The following CHD5 variants were observed in gnomAD, a reference collection of about 807,000 sequenced individuals.
CHD5 encodes chromodomain helicase DNA binding protein 5, also known as ATP-dependent chromatin remodeler CHD5.
Under a neutral mutation model 230.3 loss-of-function variants are expected in CHD5, and 69 were observed. The ratio of observed to expected loss-of-function variants is 0.30; its 90% CI spans 0.25 to 0.37. The LOEUF is 0.37. Among genes scored for constraint, CHD5 ranks in the 10% least tolerant of loss-of-function variants. The pLI is 1.00. For synonymous variants in CHD5, 1,064 were observed against 1,065.9 expected, an observed-to-expected ratio of 1.00 and a Z score of 0.03; for missense variants, 1,827 against 2,622.8, an observed-to-expected ratio of 0.70 and a Z score of 6.63.
chr1:6,146,934 A>G lies in CHD5; in HGVS notation c.1384-63T>C. ...TGCAGGGCCCCACCCTGAGGCTCCCATGACAGCAGGCTGCCATGCAGGCTC... is the reference window on the plus strand; with the variant it reads ...TGCAGGGCCCCACCCTGAGGCTCCCGTGACAGCAGGCTGCCATGCAGGCTC... On this transcript the variant is annotated intron_variant, in intron 9 of 41. Transcript: ENST00000262450. The surrounding 1 kb of genome is among the most constrained non-coding windows in gnomAD (Gnocchi z 5.1). The G allele has an allele frequency of 7.7e-7, 1 of 1,293,604 alleles. No homozygotes were observed. The highest frequency in any genetic ancestry group is 2.9e-5 in the Admixed American group (1 of 34,660). The allele number at this position is 1,293,604 out of a possible 1,614,324, so 80.1% of individuals were successfully genotyped here.
intron 6 of CHD5, among the ~76,000 whole-genome samples, 182 bp from the exon 7 acceptor site, chr1:6,151,337 G>C (rs1667005008): frequency 6.6e-6 from 1 of 152,134 alleles, no homozygotes; most frequent in Non-Finnish European, 1.5e-5. Context: ...CCAGCCTGAT[G>C]TCCCACCGCC....
At chr1:6,132,777 G>A (rs541725465) in intron 20 of CHD5, among the ~76,000 whole-genome samples, 4 of 152,096 alleles carry the variant, frequency 2.6e-5, no homozygotes, top group East Asian at 1.9e-4. Context: ...AGTTCTTCCT[G>A]CTTTTGCTTA....
At chr1:6,138,493 C>G (rs746688433) in intron 15 of CHD5, among the ~76,000 whole-genome samples, 21 of 152,228 alleles carry the variant, frequency 1.4e-4, no homozygotes, top group Non-Finnish European at 2.6e-4. Context: ...CCGGTCTCCC[C>G]CAGTGATGTA....
rs544798481 is a variant in CHD5 at position 6,152,445 on chromosome 1, C to T, written c.837G>A (p.Gly279=). The T allele has an allele frequency of 3.7e-6, 6 of 1,614,142 alleles. No individual in the cohort carries two copies. In the East Asian group the frequency reaches 1.1e-4, roughly 30 times the overall value. Residue 279 remains glycine, a synonymous_variant, in exon 6 of 42, where the codon GGG becomes GGA. Transcript: ENST00000262450. ...KKTAGLKFRF[G]GISNKRKKGS... is the part of the protein sequence containing the mutation. ...CTTTCTTCCTCTTGTTGCTGATCCC[C>T]CCGAAGCGGAACTTGAGCCCGGCCG...
chr1:6,112,589 C>T (rs1342231078), intron 34 of CHD5, among the ~76,000 whole-genome samples: 4 of 152,226 alleles, frequency 2.6e-5, no homozygotes, highest in Admixed American at 2.6e-4. Context: ...GATCTGAGGA[C>T]AACTGTTCCA....
In CHD5 at chr1:6,146,807, G is replaced by C; in HGVS notation, c.1448C>G (p.Pro483Arg). 1 of 1,582,894 alleles carries C rather than the reference G, an allele frequency of 6.3e-7. No individual in the cohort carries two copies. Among genetic ancestry groups the C allele is most frequent in the Non-Finnish European group, 8.6e-7 (1 of 1,163,218 alleles). ...AGGCCCCGGCAGCCCCACCATGAAGGGGGCAGGGGGCTCCGTCCACCTCCA... is the reference window on the plus strand; with the variant it reads ...AGGCCCCGGCAGCCCCACCATGAAGCGGGCAGGGGGCTCCGTCCACCTCCA... The part of the protein sequence containing the change: ...LHWRWTEPPA[P>R]FMVGLPGPDV... Residue 483 changes from proline (P) to arginine (R), a missense_variant, in exon 10 of 42, where the codon CCC becomes CGC. By Grantham distance (103) the Pro-to-Arg change is moderately radical (BLOSUM62 -2). Coordinates refer to ENST00000262450, the MANE Select transcript of CHD5 (RefSeq NM_015557.3). The surrounding 1 kb of genome is among the most constrained non-coding windows in gnomAD (Gnocchi z 5.1).
At chr1:6,106,310 G>C in intron 40 of CHD5, 23 bp from the exon 41 acceptor site, 2 of 1,612,762 alleles carry the variant, frequency 1.2e-6, no homozygotes, top group Non-Finnish European at 1.7e-6. Flanking sequence ...GAGGAGAGCC[G>C]GGCTTGCCTG....
chr1:6,122,930 T>C lies in CHD5; in HGVS notation c.4699+1018A>G, dbSNP rs774618774. On this transcript the variant is annotated intron_variant, in intron 31 of 41. Transcript: ENST00000262450. ...ACTAAAAATACAAAAATCAGCCAGG[T>C]GTGGTGGCGGGCACCTGTAATCCCA... Among the ~76,000 whole-genome samples the C allele has an allele frequency of 5.5e-4, 83 of 151,730 alleles. 1 individual carries two copies. Among genetic ancestry groups the C allele is most frequent in the Non-Finnish European group, 1.9e-4 (13 of 67,944 alleles).
At chr1:6,138,718 A>G (rs1169301340) in intron 15 of CHD5, among the ~76,000 whole-genome samples, 4 of 152,270 alleles carry the variant, frequency 2.6e-5, no homozygotes, top group Admixed American at 2.6e-4. Flanking sequence ...TCAAAAAATC[A>G]GAAATAGAAT....
In CHD5 at chr1:6,142,276, T is replaced by C. The variant is rs1475400680; in HGVS notation, c.2288A>G (p.Asn763Ser). ...LVSAPLSTII[N>S]WEREFEMWAP... is the part of the protein sequence containing the mutation. ...CCACATCTCAAACTCGCGTTCCCAG[T>C]TGATGATGGTGGAGAGGGGCGCGCT... Residue 763 changes from asparagine (N) to serine (S), a missense_variant, in exon 15 of 42, where the codon AAC becomes AGC. By Grantham distance (46) the Asn-to-Ser change is conservative. Coordinates refer to ENST00000262450, the MANE Select transcript of CHD5 (RefSeq NM_015557.3). This position sits in a 1 kb window ranked among gnomAD's most constrained non-coding sequence, Gnocchi z 5.2. 6.2e-7 allele frequency: 1 copy of C among 1,613,556 alleles called. No homozygotes were observed. Among genetic ancestry groups the C allele is most frequent in the Non-Finnish European group, 8.5e-7 (1 of 1,179,614 alleles).
intron 33 of CHD5, among the ~76,000 whole-genome samples, chr1:6,119,457 T>G (rs1666431290): frequency 6.6e-6 from 1 of 152,172 alleles, no homozygotes; most frequent in South Asian, 2.1e-4. Flanking sequence ...TACACAATAA[T>G]TAGAAGCACA....
At position 6,103,969 on chromosome 1, in the gene CHD5, C is replaced by T. The variant is rs3810988; in HGVS notation, c.*1505G>A. On this transcript the variant is annotated 3_prime_UTR_variant, in exon 42 of 42. Transcript: ENST00000262450. ...GAGCTGAGCCCCAGCCCGTGTGCAC[C>T]TCCACCCCAGGCCCAGCTGGGTTTT... 0.065 allele frequency: 9,910 copies of T among 152,384 alleles called. 514 individuals are homozygous for T. The highest frequency in any genetic ancestry group is 0.24 in the East Asian group (1,239 of 5,156). 9.4% of individuals were successfully genotyped at this position (152,384 alleles called of 1,614,324 possible).
chr1:6,122,652 CA>C (rs1402158615), intron 31 of CHD5, among the ~76,000 whole-genome samples: 1 of 152,216 alleles, frequency 6.6e-6, no homozygotes, highest in Non-Finnish European at 1.5e-5. Context: ...CAAAAGAACT[CA>C]AAACGTATGT....
intron 34 of CHD5, among the ~76,000 whole-genome samples, 176 bp downstream of exon 34, chr1:6,112,733 C>T (rs1666313263): frequency 6.6e-6 from 1 of 152,176 alleles, no homozygotes; most frequent in Non-Finnish European, 1.5e-5. Flanking sequence ...AGGGGAGAGG[C>T]TGTCCCCGGC....
intron 1 of CHD5, among the ~76,000 whole-genome samples, chr1:6,178,609 A>G (rs1405626913): frequency 6.6e-6 from 1 of 152,012 alleles, no homozygotes; most frequent in Non-Finnish European, 1.5e-5. Context: ...ACTATTGTCC[A>G]GGCAACTCCA....
chr1:6,161,786 G>C (rs951420784), intron 2 of CHD5, among the ~76,000 whole-genome samples: 1 of 152,242 alleles, frequency 6.6e-6, no homozygotes, highest in Non-Finnish European at 1.5e-5. Flanking sequence ...CCCCAGCAAA[G>C]GTAAGGACAA....
intron 33 of CHD5, among the ~76,000 whole-genome samples, chr1:6,119,875 T>C (rs1571143397): frequency 6.8e-6 from 1 of 148,148 alleles, no homozygotes; most frequent in Middle Eastern, 3.5e-3. Context: ...TTTTTTTTTT[T>C]TCTGAGATTG....
chr1:6,123,323 T>C (rs905013922), intron 31 of CHD5, among the ~76,000 whole-genome samples: 4 of 152,090 alleles, frequency 2.6e-5, no homozygotes, highest in African/African-American at 9.7e-5. Context: ...AAGGAGTGGC[T>C]GCTAATGGGT....
At chr1:6,152,332 C>T (rs1667019159) in intron 6 of CHD5, 80 bp downstream of exon 6, 2 of 1,518,864 alleles carry the variant, frequency 1.3e-6, no homozygotes, top group South Asian at 1.2e-5. Context: ...ACTGAAGGCC[C>T]TCGCCTGGCC....
Sources: allele counts gnomAD v4.1 joint callset (sites outside exome capture counted in the v4.1 genomes callset), GRCh38; gene constraint gnomAD v4.1.1; non-coding constraint Gnocchi (gnomAD v3.1); transcripts MANE v1.5; gene names NCBI Gene and HGNC (gene_info 2026-07-23, HGNC 2026-07-21).